The following SENP7 variants were observed in gnomAD, a reference collection of about 807,000 sequenced individuals.
SENP7 encodes SUMO specific peptidase 7, also known as sentrin-specific protease 7.
Under a neutral mutation model 141.2 loss-of-function variants are expected in SENP7, and 64 were observed. That is an observed-to-expected ratio of 0.45 (90% CI 0.37 to 0.56). The LOEUF (loss-of-function observed/expected upper bound fraction) is 0.56. Among genes scored for constraint, SENP7 ranks in the 20% least tolerant of loss-of-function variants. The probability of loss-of-function intolerance (pLI) is 0.00; values close to 1 mark genes in which losing one functional copy is unlikely to be tolerated. For synonymous variants in SENP7, 382 were observed against 426.4 expected, an observed-to-expected ratio of 0.90 and a Z score of 1.28; for missense variants, 1,025 against 1,212.2, an observed-to-expected ratio of 0.85 and a Z score of 2.29.
chr3:101,376,634 TG>T (rs1452261196), intron 6 of SENP7, among the ~76,000 whole-genome samples: 3 of 144,648 alleles, frequency 2.1e-5, no homozygotes, highest in Non-Finnish European at 1.5e-5. Context: ...GGGACTGTTG[TG>T]GGGTGGGGGG....
intron 5 of SENP7, among the ~76,000 whole-genome samples, chr3:101,417,238 A>C (rs1041749290): frequency 6.6e-6 from 1 of 152,142 alleles, no homozygotes; most frequent in African/African-American, 2.4e-5. Context: ...ACATATATAC[A>C]CACACATTTA....
intron 17 of SENP7, among the ~76,000 whole-genome samples, chr3:101,335,605 A>G (rs1326293531): frequency 7.6e-6 from 1 of 131,250 alleles, no homozygotes; most frequent in Non-Finnish European, 1.7e-5. Flanking sequence ...AATCAGGTAC[A>G]CAATATCTGT....
intron 1 of SENP7, among the ~76,000 whole-genome samples, chr3:101,511,169 T>C (rs2065842027): frequency 6.6e-6 from 1 of 152,194 alleles, no homozygotes; most frequent in Non-Finnish European, 1.5e-5. Context: ...AAACGCTCTC[T>C]AGAGATATAA....
intron 3 of SENP7, among the ~76,000 whole-genome samples, chr3:101,484,891 T>C (rs998407891): frequency 6.6e-6 from 1 of 151,964 alleles, no homozygotes; most frequent in Non-Finnish European, 1.5e-5. Flanking sequence ...ACCCTCAGAC[T>C]GGAAACAGAC....
intron 4 of SENP7, among the ~76,000 whole-genome samples, chr3:101,421,254 C>A (rs773912424): frequency 6.6e-6 from 1 of 150,894 alleles, no homozygotes; most frequent in African/African-American, 2.4e-5. Context: ...ATATGTGATG[C>A]CCATCTATAT....
intron 13 of SENP7, among the ~76,000 whole-genome samples, chr3:101,344,524 G>C (rs955263341): frequency 4.6e-5 from 7 of 152,142 alleles, no homozygotes; most frequent in Non-Finnish European, 8.8e-5. Flanking sequence ...CATCTTTACT[G>C]TGCAGGAGAG....
At chr3:101,426,483 AT>A (rs59964136) in intron 4 of SENP7, among the ~76,000 whole-genome samples, 23,110 of 143,026 alleles carry the variant, frequency 0.16, 1,826 homozygotes, top group African/African-American at 0.21. Context: ...GAGAAATAAG[AT>A]TTTTTTTTTT....
At chr3:101,337,420 G>C (rs1349649046) in intron 17 of SENP7, 89 bp downstream of exon 17, 1 of 909,554 alleles carries the variant, frequency 1.1e-6, no homozygotes, top group Non-Finnish European at 1.6e-6. Context: ...GCCTACTTGA[G>C]GAAATACTAT....
chr3:101,444,289 TGG>T (rs2062798038), intron 4 of SENP7, among the ~76,000 whole-genome samples: 1 of 150,424 alleles, frequency 6.6e-6, no homozygotes, highest in Admixed American at 6.7e-5. Context: ...TTGACACTGC[TGG>T]TGGGATTGTA....
intron 4 of SENP7, among the ~76,000 whole-genome samples, chr3:101,451,965 C>T (rs1263467670): frequency 3.3e-5 from 5 of 152,152 alleles, no homozygotes; most frequent in Non-Finnish European, 7.4e-5. Flanking sequence ...TAGAAAACCC[C>T]ATTGTCTCAG....
chr3:101,464,980 A>C (rs2063712043), intron 3 of SENP7, among the ~76,000 whole-genome samples: 1 of 152,204 alleles, frequency 6.6e-6, no homozygotes, highest in African/African-American at 2.4e-5. Context: ...ACATTATAAC[A>C]AAAAACTTAA....
intron 6 of SENP7, among the ~76,000 whole-genome samples, chr3:101,376,399 G>T (rs2060329867): frequency 6.6e-6 from 1 of 150,920 alleles, no homozygotes; most frequent in Non-Finnish European, 1.5e-5. Context: ...TACAAAAAAG[G>T]TATTAAAATA....
intron 7 of SENP7, among the ~76,000 whole-genome samples, chr3:101,371,268 A>G (rs2060173475): frequency 6.6e-6 from 1 of 152,184 alleles, no homozygotes; most frequent in Non-Finnish European, 1.5e-5. Context: ...ATGCCACTGT[A>G]CACCAGCCTG....
rs1171950372 is a variant in SENP7, at chr3:101,328,559, AAG to A, written c.2796-15_2796-14del. ...AAGAATACATGGCCTATGAAAAGCAAAGGACAAAATCAAGATTTACATACTTG... is the reference window on the plus strand; with the variant it reads ...AAGAATACATGGCCTATGAAAAGCAAGACAAAATCAAGATTTACATACTTG... On this transcript the variant is annotated splice_polypyrimidine_tract_variant and intron_variant, in intron 21 of 23. Coordinates refer to ENST00000394095, the MANE Select transcript of SENP7 (RefSeq NM_020654.5). The A allele has an allele frequency of 6.2e-7, 1 of 1,611,498 alleles. No individual in the cohort carries two copies. Among genetic ancestry groups the A allele is most frequent in the East Asian group, 2.2e-5 (1 of 44,702 alleles).
Position 101,324,374 on chromosome 3 carries a change from T to C in SENP7, c.*1569A>G, listed in dbSNP as rs2058850952. On this transcript the variant is annotated 3_prime_UTR_variant, in exon 24 of 24. Transcript: ENST00000394095. ...TGAATTTTAAACAATCTTCAAAACA[T>C]GATAAAGGACAGTGATATCTTTGAA... 1 of 152,050 alleles carries C rather than the reference T, an allele frequency of 6.6e-6. No individual in the cohort carries two copies. The highest frequency in any genetic ancestry group is 6.6e-5 in the Admixed American group (1 of 15,242). 9.4% of individuals were successfully genotyped at this position (152,050 alleles called of 1,614,324 possible). A position where few individuals can be genotyped will look rare whatever the true frequency, so the allele number is the denominator to read the frequency against.
chr3:101,454,697 T>A (rs1388269237), intron 4 of SENP7, among the ~76,000 whole-genome samples: 1 of 152,164 alleles, frequency 6.6e-6, no homozygotes, highest in Non-Finnish European at 1.5e-5. Context: ...TGCTACAATA[T>A]TAATAAACCT....
intron 3 of SENP7, among the ~76,000 whole-genome samples, chr3:101,482,343 T>A (rs935451963): frequency 1.3e-5 from 2 of 151,558 alleles, no homozygotes; most frequent in East Asian, 3.9e-4. Context: ...AGAAATACTT[T>A]GGTATAACTC....
intron 5 of SENP7, among the ~76,000 whole-genome samples, chr3:101,410,031 A>G (rs191384675): frequency 7.5e-4 from 114 of 152,360 alleles, no homozygotes; most frequent in Non-Finnish European, 1.3e-3. Flanking sequence ...TTCACAATGT[A>G]TACATCTGAC....
intron 11 of SENP7, among the ~76,000 whole-genome samples, chr3:101,360,684 T>C (rs1008617314): frequency 6.6e-6 from 1 of 152,172 alleles, no homozygotes; most frequent in East Asian, 1.9e-4. Flanking sequence ...CTCTTCACCA[T>C]AAGCAGCTTA....
Sources: allele counts gnomAD v4.1 joint callset (sites outside exome capture counted in the v4.1 genomes callset), GRCh38; gene constraint gnomAD v4.1.1; transcripts MANE v1.5; gene names NCBI Gene and HGNC (gene_info 2026-07-23, HGNC 2026-07-21).